The following AIFM2 variants were observed in gnomAD, a reference collection of about 807,000 sequenced individuals.
AIFM2 encodes AIF family member 2, ferroptosis suppressor.
A neutral mutation model predicts 35.7 loss-of-function variants in AIFM2; 38 were observed. The ratio of observed to expected loss-of-function variants is 1.06; its 90% CI spans 0.82 to 1.39. The LOEUF is 1.39. Ranked by LOEUF, AIFM2 falls within the 40% of genes most tolerant of loss-of-function variation. The pLI, the probability that AIFM2 is intolerant of heterozygous loss-of-function variation, is 0.00. For synonymous variants in AIFM2, 185 were observed against 203.5 expected (o/e 0.91, Z 0.77); for missense variants, 476 against 491.2 (o/e 0.97, Z 0.29).
At chr10:70,124,998 T>C (rs562498673) in intron 1 of AIFM2, among the ~76,000 whole-genome samples, 10 of 152,212 alleles carry the variant, frequency 6.6e-5, no homozygotes, top group African/African-American at 2.4e-4. Flanking sequence ...TTAATACCAA[T>C]TATAAAAGGG....
chr10:70,130,647 G>C (rs1328536324), intron 1 of AIFM2, among the ~76,000 whole-genome samples: 1 of 152,142 alleles, frequency 6.6e-6, no homozygotes, highest in African/African-American at 2.4e-5. Context: ...ACAGGTTTTT[G>C]TGTGAACCAG....
chr10:70,121,347 C>T (rs1164230977), intron 3 of AIFM2, 136 bp from the exon 4 acceptor site: 6 of 1,350,862 alleles, frequency 4.4e-6, no homozygotes, highest in African/African-American at 3.0e-5. Flanking sequence ...CCCCTCTAGG[C>T]ACCCGAGGCA....
rs928117258 is a variant in AIFM2, at chr10:70,123,898, G to A, written c.178+9C>T. On this transcript the variant is annotated intron_variant, in intron 2 of 8. Transcript: ENST00000307864. ...CTCACAGAGACAGCCCCAGACGGGA[G>A]CACATTACCTGTCTCCACGGAGGCT... The A allele has an allele frequency of 6.4e-7, 1 of 1,556,732 alleles. No homozygotes were observed. The highest frequency in any genetic ancestry group is 8.7e-7 in the Non-Finnish European group (1 of 1,146,808).
In AIFM2 at chr10:70,117,874, A is replaced by G. The variant is rs2072455480; in HGVS notation, c.554T>C (p.Leu185Pro). 6 of 1,606,858 alleles carry G rather than the reference A, an allele frequency of 3.7e-6. No individual in the cohort carries two copies. Among genetic ancestry groups the G allele is most frequent in the Non-Finnish European group, 5.1e-6 (6 of 1,177,298 alleles). Residue 185 changes from leucine (L) to proline (P), a missense_variant, in exon 6 of 9, where the codon CTG (leucine) becomes CCG (proline). Physicochemically the swap from Leu to Pro is moderately conservative, Grantham distance 98. Transcript: ENST00000307864. This position sits in a 1 kb window ranked among gnomAD's most constrained non-coding sequence, Gnocchi z 4.7. ...CTTCACTTCCTGCCGGACGGAGGGC[A>G]GGAGCTCCTTGTCAGCCAGGGCCAC... ...SQVALADKELLPSVRQEVKEI... is the reference protein window; with the variant it reads ...SQVALADKELPPSVRQEVKEI...
chr10:70,114,095 T>C lies in AIFM2; in HGVS notation c.*83A>G. ...CTTATTCCAGAAGAATAGCATTAGT[T>C]CTAGCACTTGCCAGGCGGGTGCCAT... is the stretch of plus-strand genomic sequence containing the variant. On this transcript the variant is annotated 3_prime_UTR_variant, in exon 9 of 9. Transcript: ENST00000307864. 1 of 1,501,018 alleles carries C rather than the reference T, an allele frequency of 6.7e-7. No homozygotes were observed. Among genetic ancestry groups the C allele is most frequent in the Non-Finnish European group, 8.9e-7 (1 of 1,123,130 alleles). 93.0% of individuals were successfully genotyped at this position (1,501,018 alleles called of 1,614,324 possible). A position where few individuals can be genotyped will look rare whatever the true frequency, so the allele number is the denominator to read the frequency against.
In AIFM2 at chr10:70,114,162, C is replaced by T. The variant is rs370752237; in HGVS notation, c.*16G>A. ...ACGCCCACCTGCTGCGGTAGTTCTC[C>T]CGCCTGGCCTCTCCATCAAGGTGGA... On this transcript the variant is annotated 3_prime_UTR_variant, in exon 9 of 9. Coordinates refer to ENST00000307864, the MANE Select transcript of AIFM2 (RefSeq NM_032797.6). 34 of 1,603,538 alleles carry T rather than the reference C, an allele frequency of 2.1e-5. No homozygotes were observed. The highest frequency in any genetic ancestry group is 2.7e-5 in the African/African-American group (2 of 74,360).
chr10:70,118,316 C>T (rs536597543), intron 5 of AIFM2: 2 of 169,862 alleles, frequency 1.2e-5, no homozygotes, highest in East Asian at 1.9e-4. Context: ...TGCTTCCAGG[C>T]ATGTCTACTT....
At chr10:70,116,204 C>G (rs2072433460) in intron 7 of AIFM2, among the ~76,000 whole-genome samples, 1 of 152,194 alleles carries the variant, frequency 6.6e-6, no homozygotes, top group Admixed American at 6.5e-5. Flanking sequence ...GTTACCAACC[C>G]CACTCCCCAG....
intron 1 of AIFM2, among the ~76,000 whole-genome samples, chr10:70,125,945 G>T (rs2072561232): frequency 1.3e-5 from 2 of 152,304 alleles, no homozygotes; most frequent in Admixed American, 6.5e-5. Flanking sequence ...CAGCAGCAAA[G>T]TTGCCTGGGC....
rs1053495 is a variant in AIFM2, at chr10:70,114,292, G to A, written c.1008C>T (p.Asp336=). The A allele has an allele frequency of 0.1, 166,359 of 1,613,408 alleles. 11,239 individuals carry two copies. The highest frequency in any genetic ancestry group is 0.26 in the African/African-American group (19,133 of 74,758). The change falls in exon 9 of 9, where the codon GAC becomes GAT. Residue 336 remains aspartate (D), a synonymous_variant. Coordinates refer to ENST00000307864, the MANE Select transcript of AIFM2 (RefSeq NM_032797.6). ...AGAAGCCACTGATTTGGCCCACACC[G>A]TCATTTCTCCCCATGGACAGGAGGA... ...LTFLLSMGRN[D]GVGQISGFYV...
At chr10:70,122,374 A>G (rs1407385815) in intron 3 of AIFM2, among the ~76,000 whole-genome samples, 3 of 152,208 alleles carry the variant, frequency 2.0e-5, no homozygotes, top group African/African-American at 7.2e-5. Context: ...TAATTCAAGA[A>G]GGGCTGGGTC....
intron 4 of AIFM2, 118 bp downstream of exon 4, chr10:70,120,974 T>C: frequency 1.3e-6 from 2 of 1,485,116 alleles, no homozygotes; most frequent in Non-Finnish European, 1.8e-6. Flanking sequence ...TCTCCAACTC[T>C]ATGGCTACAG....
chr10:70,114,839 G>A (rs1298901645), intron 8 of AIFM2, 81 bp downstream of exon 8: 9 of 1,465,224 alleles, frequency 6.1e-6, no homozygotes, highest in African/African-American at 1.4e-5. Context: ...TAGTGGCCAG[G>A]TATGGGATAG....
intron 6 of AIFM2, 92 bp from the exon 7 acceptor site, chr10:70,116,866 G>C: frequency 6.6e-7 from 1 of 1,526,648 alleles, no homozygotes; most frequent in South Asian, 1.2e-5. Context: ...GGAGGGCCTG[G>C]ACCTCTGGGG....
chr10:70,116,614 C>G lies in AIFM2; in HGVS notation c.769+8G>C. The G allele has an allele frequency of 3.1e-6, 5 of 1,613,120 alleles. No individual in the cohort carries two copies. The highest frequency in any genetic ancestry group is 3.4e-6 in the Non-Finnish European group (4 of 1,179,848). On this transcript the variant is annotated splice_region_variant and intron_variant, in intron 7 of 8. Transcript: ENST00000307864. ...GCACAGGGGAAGCCCGGCTGGGCAC[C>G]TGCTCACCAAACGCTTTGCGGTAGG...
At chr10:70,119,874 G>A (rs1028058254) in intron 5 of AIFM2, among the ~76,000 whole-genome samples, 8 of 152,194 alleles carry the variant, frequency 5.3e-5, no homozygotes, top group Non-Finnish European at 8.8e-5. Context: ...CCTCTTTCTC[G>A]CTAGGTTGCC....
intron 3 of AIFM2, among the ~76,000 whole-genome samples, chr10:70,121,948 T>G (rs1414229189): frequency 6.6e-6 from 1 of 151,648 alleles, no homozygotes; most frequent in Non-Finnish European, 1.5e-5. Flanking sequence ...AAAAATTAGC[T>G]GGGCGTGGTG....
intron 3 of AIFM2, among the ~76,000 whole-genome samples, chr10:70,121,597 G>A (rs1327596291): frequency 6.6e-5 from 10 of 152,008 alleles, no homozygotes; most frequent in Non-Finnish European, 1.3e-4. Flanking sequence ...CCCTCCTCCT[G>A]CCTCCGCCAG....
rs920380578 is a variant in AIFM2, at chr10:70,117,906, G to A, written c.522C>T (p.His174=). Residue 174 remains histidine (H), a synonymous_variant, in exon 6 of 9, where the codon CAC becomes CAT. Coordinates refer to ENST00000307864, the MANE Select transcript of AIFM2 (RefSeq NM_032797.6). This position sits in a 1 kb window ranked among gnomAD's most constrained non-coding sequence, Gnocchi z 4.7. ...CCTTGTCAGCCAGGGCCACTTGGGA[G>A]TGAATGAGAGTGACCTGAGGACAAA... The part of the protein sequence containing the change: ...EYPEKEVTLI[H]SQVALADKEL... 1 of 1,608,120 alleles carries A rather than the reference G, an allele frequency of 6.2e-7. No homozygotes were observed. The highest frequency in any genetic ancestry group is 8.5e-7 in the Non-Finnish European group (1 of 1,177,622).
Sources: gnomAD v4.1 joint callset for allele counts (sites outside exome capture counted in the v4.1 genomes callset) on GRCh38, gnomAD v4.1.1 for gene constraint, Gnocchi (gnomAD v3.1) non-coding constraint, MANE v1.5 for transcripts, NCBI Gene and HGNC (gene_info 2026-07-23, HGNC 2026-07-21) for gene names.